NFIB: variants seen among roughly 807,000 people sequenced by gnomAD.
The protein encoded by NFIB is nuclear factor 1 B-type.
Under a neutral mutation model 61.5 loss-of-function variants are expected in NFIB, and 11 were observed. The observed-to-expected ratio is 0.18, with a 90% CI of 0.11 to 0.30. NFIB has a LOEUF of 0.30. NFIB is among the 10% of genes least tolerant of loss of function. NFIB has a pLI of 1.00. For synonymous variants in NFIB, 260 were observed against 216.5 expected (o/e 1.20, Z -1.76); for missense variants, 471 against 608.9 (o/e 0.77, Z 2.38).
At chr9:14,404,213 AAAC>A in the NFIB span, among the ~76,000 whole-genome samples, 2 of 152,216 alleles carry the variant, frequency 1.3e-5, no homozygotes, top group Admixed American at 1.3e-4. Context: ...ATTTAGGTTT[AAAC>A]AACCCCTACC....
intron 1 of NFIB, among the ~76,000 whole-genome samples, chr9:14,353,648 C>T (rs1267999425): frequency 6.6e-6 from 1 of 152,132 alleles, no homozygotes; most frequent in Non-Finnish European, 1.5e-5. Flanking sequence ...AAGGCTGCTG[C>T]GCCCCCTGGT....
At chr9:14,530,606 A>G in the NFIB span, among the ~76,000 whole-genome samples, 1 of 152,328 alleles carries the variant, frequency 6.6e-6, no homozygotes, top group East Asian at 1.9e-4. Flanking sequence ...AGCTTTCACG[A>G]GACGCCTAGG....
At chr9:14,349,570 G>C (rs1480596697) in intron 1 of NFIB, among the ~76,000 whole-genome samples, 1 of 152,116 alleles carries the variant, frequency 6.6e-6, no homozygotes, top group African/African-American at 2.4e-5. Context: ...GGGAAGAAAA[G>C]ACTTGATCTG....
chr9:14,371,114 A>AAAACAAAC (rs148844966), intron 1 of NFIB, among the ~76,000 whole-genome samples: 5 of 151,862 alleles, frequency 3.3e-5, no homozygotes, highest in Non-Finnish European at 7.4e-5. Context: ...AAACCAAAAC[A>AAAACAAAC]AAACAAACAA....
chr9:14,457,349 G>A, the NFIB span, among the ~76,000 whole-genome samples: 4 of 152,094 alleles, frequency 2.6e-5, no homozygotes, highest in Admixed American at 2.6e-4. Flanking sequence ...GTTTGAACGA[G>A]TTGATGTCAA....
the NFIB span, among the ~76,000 whole-genome samples, chr9:14,527,927 C>A: frequency 5.3e-5 from 8 of 151,830 alleles, no homozygotes; most frequent in Non-Finnish European, 8.8e-5. Context: ...AGTCTAGCTG[C>A]GGTTATTAGG....
chr9:14,340,375 T>C lies in NFIB; in HGVS notation c.109-32855A>G, dbSNP rs191911027. On this transcript the variant is annotated intron_variant, in intron 1 of 8. Transcript: ENST00000380934. ...AGAGTTCTCAACCCTAGCTAAACAT[T>C]AGAATCGCCCAGGGGAACTTGTAAA... Among the ~76,000 whole-genome samples, 5 of 152,242 alleles carry C rather than the reference T, an allele frequency of 3.3e-5. No individual in the cohort carries two copies. The East Asian group carries it at 9.7e-4, about 29-fold the overall frequency.
chr9:14,143,936 A>T (rs546748026), intron 6 of NFIB, among the ~76,000 whole-genome samples: 1 of 150,426 alleles, frequency 6.6e-6, no homozygotes, highest in East Asian at 2.0e-4. Flanking sequence ...TCTTCCCACA[A>T]TGGCTTATTG....
At chr9:14,267,943 G>T (rs769179195) in intron 2 of NFIB, among the ~76,000 whole-genome samples, 2 of 152,102 alleles carry the variant, frequency 1.3e-5, no homozygotes, top group Non-Finnish European at 2.9e-5. Context: ...GACCAGCCTG[G>T]CCAACATGGT....
chr9:14,255,878 T>A lies in NFIB; in HGVS notation c.562+51111A>T, dbSNP rs112465404. ...AATTCAACTCTGTCCTGCTCCAGAATCCACACACTATGCTAGCATAGTATT... is the reference window on the plus strand; with the variant it reads ...AATTCAACTCTGTCCTGCTCCAGAAACCACACACTATGCTAGCATAGTATT... On this transcript the variant is annotated intron_variant, in intron 2 of 10. Transcript: ENST00000380953. Among the ~76,000 whole-genome samples the A allele has an allele frequency of 3.9e-5, 6 of 152,330 alleles. No homozygotes were observed. In the East Asian group the frequency reaches 1.2e-3, roughly 29 times the overall value.
At chr9:14,367,508 T>C (rs1048451543) in intron 1 of NFIB, among the ~76,000 whole-genome samples, 1 of 151,912 alleles carries the variant, frequency 6.6e-6, no homozygotes, top group African/African-American at 2.4e-5. Flanking sequence ...GGTCAAAAGG[T>C]TGTAAGCAAC....
chr9:14,387,866 T>C (rs961234499), intron 1 of NFIB, among the ~76,000 whole-genome samples: 5 of 152,190 alleles, frequency 3.3e-5, no homozygotes, highest in African/African-American at 4.8e-5. Context: ...ATAATACTCA[T>C]AGAGCACAGT....
chr9:14,491,997 G>C, the NFIB span, among the ~76,000 whole-genome samples: 21,184 of 152,062 alleles, frequency 0.14, 2,174 homozygotes, highest in African/African-American at 0.28. Context: ...ATTCTTCCCT[G>C]ACAATGCTGT....
At chr9:14,296,103 C>T (rs2059428210) in intron 2 of NFIB, among the ~76,000 whole-genome samples, 1 of 152,314 alleles carries the variant, frequency 6.6e-6, no homozygotes. Context: ...TGTCTTGTTA[C>T]CTGAGATAAA....
rs866460625 is a variant in NFIB, at chr9:14,313,409, T to C, written c.30+73A>G. On this transcript the variant is annotated intron_variant, in intron 1 of 10. Coordinates refer to ENST00000380953, the MANE Select transcript of NFIB (RefSeq NM_001190737.2). This position sits in a 1 kb window ranked among gnomAD's most constrained non-coding sequence, Gnocchi z 4.5. ...TGCGGAGGTTAACTCAAGCCGCTAA[T>C]TGTCCGCAACAAAACAAAACAAAGG... 62 of 1,604,716 alleles carry C rather than the reference T, an allele frequency of 3.9e-5. No individual in the cohort carries two copies. In the Admixed American group the frequency reaches 6.7e-4, roughly 17 times the overall value.
chr9:14,275,474 A>G (rs989041864), intron 2 of NFIB, among the ~76,000 whole-genome samples: 1 of 152,172 alleles, frequency 6.6e-6, no homozygotes. Context: ...GCACGGCGCC[A>G]TGGTTAGGAT....
At chr9:14,490,248 G>A in the NFIB span, among the ~76,000 whole-genome samples, 2 of 152,096 alleles carry the variant, frequency 1.3e-5, no homozygotes, top group Non-Finnish European at 1.5e-5. Context: ...ATAGAGCAAG[G>A]AGGAACTTTT....
intron 6 of NFIB, among the ~76,000 whole-genome samples, chr9:14,132,656 C>G (rs1299412584): frequency 6.6e-6 from 1 of 152,060 alleles, no homozygotes; most frequent in African/African-American, 2.4e-5. Context: ...CAGCCTCAAA[C>G]TCCTGGGTTC....
rs56254215 is a variant in NFIB at position 14,218,568 on chromosome 9, A to T, written c.563-38788T>A. 1.9e-3 allele frequency among the ~76,000 whole-genome samples: 293 copies of T among 152,302 alleles called. 1 individual carries two copies. Among genetic ancestry groups the T allele is most frequent in the Non-Finnish European group, 3.3e-3 (226 of 68,016 alleles). On this transcript the variant is annotated intron_variant, in intron 2 of 10. Transcript: ENST00000380953. ...CCTCCTGAGAGACTGATGACTATAG[A>T]TGTCACCCAATCAATGAACAAATGA...
Sources: allele counts gnomAD v4.1 joint callset (sites outside exome capture counted in the v4.1 genomes callset), GRCh38; gene constraint gnomAD v4.1.1; non-coding constraint Gnocchi (gnomAD v3.1); transcripts MANE v1.5; gene names NCBI Gene and HGNC (gene_info 2026-07-23, HGNC 2026-07-21).